Variants in SOX5 observed in about 807,000 individuals in gnomAD.
The protein encoded by SOX5 is transcription factor SOX-5.
A neutral mutation model predicts 92.0 loss-of-function variants in SOX5; 9 were observed. The observed-to-expected ratio is 0.10, with a 90% CI of 0.06 to 0.17. The LOEUF (loss-of-function observed/expected upper bound fraction) is 0.17, where lower values mean the gene tolerates loss of function less well. SOX5 is among the 10% of genes least tolerant of loss of function. The probability of loss-of-function intolerance (pLI) is 1.00; values close to 1 mark genes in which losing one functional copy is unlikely to be tolerated. For missense variants in SOX5, 642 were observed against 944.5 expected, an observed-to-expected ratio of 0.68 and a Z score of 4.20; for synonymous variants, 344 against 336.3, an observed-to-expected ratio of 1.02 and a Z score of -0.25.
chr12:23,671,923 C>T (rs1180611577), intron 6 of SOX5, among the ~76,000 whole-genome samples: 5 of 152,008 alleles, frequency 3.3e-5, no homozygotes, highest in East Asian at 3.9e-4. Flanking sequence ...TACTCTTCTT[C>T]GGCAAAAAGC....
intron 8 of SOX5, among the ~76,000 whole-genome samples, chr12:23,606,369 A>C (rs1377123150): frequency 6.6e-6 from 1 of 151,678 alleles, no homozygotes; most frequent in Admixed American, 6.6e-5. Flanking sequence ...AAATGATTTC[A>C]CTGGGTATTA....
chr12:24,505,931 C>T (rs1358115766), intron 1 of SOX5, among the ~76,000 whole-genome samples: 1 of 151,482 alleles, frequency 6.6e-6, no homozygotes, highest in East Asian at 1.9e-4. Context: ...TGAGAGTTTC[C>T]CTACTGTGAA....
At chr12:24,079,821 C>A (rs1592961567) in intron 4 of SOX5, among the ~76,000 whole-genome samples, 2 of 151,860 alleles carry the variant, frequency 1.3e-5, no homozygotes, top group East Asian at 3.9e-4. Flanking sequence ...GATTTTTAAA[C>A]ACCTTTTTTT....
chr12:23,805,399 TAA>T (rs1451648581), intron 3 of SOX5, among the ~76,000 whole-genome samples: 2 of 151,816 alleles, frequency 1.3e-5, no homozygotes, highest in Non-Finnish European at 2.9e-5. Flanking sequence ...TTAAAAGTGC[TAA>T]AAGAGATAAA....
intron 2 of SOX5, among the ~76,000 whole-genome samples, chr12:23,879,604 CTTAAA>C (rs1456816637): frequency 1.3e-5 from 2 of 152,102 alleles, no homozygotes. Flanking sequence ...TGAGGCCAAT[CTTAAA>C]TTAATGTATG....
At chr12:24,498,446 T>C (rs1437056709) in intron 1 of SOX5, among the ~76,000 whole-genome samples, 1 of 152,184 alleles carries the variant, frequency 6.6e-6, no homozygotes, top group Admixed American at 6.5e-5. Context: ...TACCTCTTTC[T>C]TTCTCAAAAG....
At chr12:24,085,155 C>A (rs1943822013) in intron 4 of SOX5, among the ~76,000 whole-genome samples, 1 of 152,126 alleles carries the variant, frequency 6.6e-6, no homozygotes, top group Admixed American at 6.6e-5. Flanking sequence ...AAGATACTTT[C>A]TTTTGCCTGA....
intron 3 of SOX5, among the ~76,000 whole-genome samples, chr12:24,252,928 C>T (rs554898402): frequency 1.3e-5 from 2 of 152,270 alleles, no homozygotes; most frequent in Admixed American, 1.3e-4. Context: ...TTTCCCTCTG[C>T]TGATAAATCG....
At position 23,979,891 on chromosome 12, in the gene SOX5, G is replaced by A. The variant is rs1483925121; in HGVS notation, c.-1-83867C>T. ...TGCTACCATGCCTGGCTGGCTGGCT[G>A]GCTGGCTGGCTGGCTGGCTGGCCAG... On this transcript the variant is annotated intron_variant, in intron 4 of 4. Transcript: ENST00000446891. Among the ~76,000 whole-genome samples the A allele has an allele frequency of 3.6e-5, 5 of 138,294 alleles. No homozygotes were observed. In the East Asian group the frequency reaches 9.3e-4, roughly 26 times the overall value. The allele number at this position is 138,294 out of a possible 152,430, so 90.7% of individuals were successfully genotyped here.
chr12:23,534,704 C>CTTTTTTTTTTTTTTTTTT (rs60460683), intron 14 of SOX5, among the ~76,000 whole-genome samples, 182 bp from the exon 15 acceptor site: 2 of 108,830 alleles, frequency 1.8e-5, no homozygotes, highest in Non-Finnish European at 1.9e-5. Flanking sequence ...CTTTTCTTTT[C>CTTTTTTTTTTTTTTTTTT]TTTTTTTTTT....
At chr12:23,994,839 T>A (rs1484298242) in intron 4 of SOX5, among the ~76,000 whole-genome samples, 1 of 152,216 alleles carries the variant, frequency 6.6e-6, no homozygotes. Context: ...TTTTTTGTGC[T>A]ATTGGTCTAA....
intron 4 of SOX5, among the ~76,000 whole-genome samples, chr12:24,144,875 A>C (rs1198125197): frequency 2.0e-5 from 3 of 152,100 alleles, no homozygotes. Flanking sequence ...GAAAAATGGA[A>C]ATATACTATT....
chr12:24,326,236 T>A (rs916841692), intron 2 of SOX5, among the ~76,000 whole-genome samples: 3 of 152,130 alleles, frequency 2.0e-5, no homozygotes, highest in Non-Finnish European at 4.4e-5. Context: ...ATGCCATTCC[T>A]TATATATCTA....
chr12:24,370,306 C>T (rs1157073127), intron 1 of SOX5, among the ~76,000 whole-genome samples: 1 of 151,716 alleles, frequency 6.6e-6, no homozygotes, highest in Non-Finnish European at 1.5e-5. Context: ...AACCCCGTCT[C>T]TACTAAAAAT....
intron 2 of SOX5, among the ~76,000 whole-genome samples, chr12:24,364,238 C>A (rs1955905247): frequency 6.6e-6 from 1 of 152,022 alleles, no homozygotes; most frequent in Non-Finnish European, 1.5e-5. Context: ...ACTCATTCTG[C>A]TCCTTAAAAG....
At chr12:24,108,156 C>A (rs934451031) in intron 4 of SOX5, among the ~76,000 whole-genome samples, 12 of 152,186 alleles carry the variant, frequency 7.9e-5, no homozygotes, top group Non-Finnish European at 1.8e-4. Flanking sequence ...ATTACATTAT[C>A]TTTTGCCTTT....
chr12:24,120,556 TG>T (rs1337183251), intron 4 of SOX5, among the ~76,000 whole-genome samples: 3 of 152,272 alleles, frequency 2.0e-5, no homozygotes, highest in Non-Finnish European at 4.4e-5. Flanking sequence ...TGATTTTATT[TG>T]GAAAGAAATG....
chr12:24,094,909 T>C (rs1945133929), intron 4 of SOX5, among the ~76,000 whole-genome samples: 2 of 152,140 alleles, frequency 1.3e-5, no homozygotes, highest in South Asian at 4.1e-4. Context: ...TTAGAGCAAG[T>C]CATGCCCAAA....
At chr12:24,246,296 A>G (rs568233785) in intron 3 of SOX5, among the ~76,000 whole-genome samples, 18 of 146,358 alleles carry the variant, frequency 1.2e-4, no homozygotes, top group African/African-American at 4.1e-4. Flanking sequence ...TTTTTTTTTT[A>G]AAAGATTGTT....
Sources: allele counts gnomAD v4.1 joint callset (sites outside exome capture counted in the v4.1 genomes callset), GRCh38; gene constraint gnomAD v4.1.1; transcripts MANE v1.5; gene names NCBI Gene and HGNC (gene_info 2026-07-23, HGNC 2026-07-21).